The following SUCLG2 variants were observed in gnomAD, a reference collection of about 807,000 sequenced individuals.
SUCLG2 encodes succinate-CoA ligase GDP-forming subunit beta, also known as succinate--CoA ligase [GDP-forming] subunit beta, mitochondrial.
In SUCLG2, 42 loss-of-function variants were observed where a neutral mutation model predicts 47.9. The ratio of observed to expected loss-of-function variants is 0.88; its 90% CI spans 0.69 to 1.14. The LOEUF (loss-of-function observed/expected upper bound fraction) is 1.14, where lower values mean the gene tolerates loss of function less well. SUCLG2 is among the 50% of genes most tolerant of loss of function. The pLI, the probability that SUCLG2 is intolerant of heterozygous loss-of-function variation, is 0.00. For synonymous variants in SUCLG2, 195 were observed against 197.3 expected, an observed-to-expected ratio of 0.99 and a Z score of 0.10; for missense variants, 571 against 525.9, an observed-to-expected ratio of 1.09 and a Z score of -0.84.
chr3:67,577,002 T>C (rs922860066), intron 2 of SUCLG2, among the ~76,000 whole-genome samples: 1 of 152,172 alleles, frequency 6.6e-6, no homozygotes, highest in East Asian at 1.9e-4. Flanking sequence ...CCCAGGTAGA[T>C]GGTCTAAGGA....
chr3:67,468,162 C>T (rs144958491), intron 9 of SUCLG2, among the ~76,000 whole-genome samples: 2 of 152,232 alleles, frequency 1.3e-5, no homozygotes, highest in Admixed American at 6.5e-5. Flanking sequence ...GTTTTCTGAG[C>T]GAATCTTCAA....
chr3:67,454,698 C>T (rs1704141267), intron 9 of SUCLG2, among the ~76,000 whole-genome samples: 1 of 152,168 alleles, frequency 6.6e-6, no homozygotes, highest in Non-Finnish European at 1.5e-5. Flanking sequence ...CGTGGTGGCT[C>T]ATGCCTGTAA....
intron 1 of SUCLG2, among the ~76,000 whole-genome samples, chr3:67,617,564 ACCACTCT>A (rs1295810707): frequency 6.6e-6 from 1 of 152,144 alleles, no homozygotes; most frequent in Non-Finnish European, 1.5e-5. Flanking sequence ...AATACTCTTC[ACCACTCT>A]CCACTTGGGT....
chr3:67,649,539 T>C (rs116208179), intron 1 of SUCLG2, among the ~76,000 whole-genome samples: 1,641 of 133,896 alleles, frequency 0.012, 34 homozygotes, highest in African/African-American at 0.042. Flanking sequence ...GTCCCTCAAC[T>C]TCTGCTATCC....
chr3:67,421,966 C>G (rs1415522149), intron 9 of SUCLG2, among the ~76,000 whole-genome samples: 2 of 152,066 alleles, frequency 1.3e-5, no homozygotes, highest in Non-Finnish European at 2.9e-5. Flanking sequence ...TGAATAAAAG[C>G]AAAGAAGATT....
intron 1 of SUCLG2, among the ~76,000 whole-genome samples, chr3:67,638,102 T>C (rs1701038970): frequency 6.6e-6 from 1 of 152,210 alleles, no homozygotes; most frequent in South Asian, 2.1e-4. Flanking sequence ...TGTAAGCTTC[T>C]AAGTCTCACA....
intron 7 of SUCLG2, among the ~76,000 whole-genome samples, chr3:67,499,706 A>ATGTT (rs368610155): frequency 5.5e-4 from 84 of 151,558 alleles, no homozygotes; most frequent in African/African-American, 1.9e-3. Flanking sequence ...TGTCATCATA[A>ATGTT]TGTTTGTTTG....
At chr3:67,424,714 C>T (rs1703255365) in intron 9 of SUCLG2, among the ~76,000 whole-genome samples, 1 of 152,104 alleles carries the variant, frequency 6.6e-6, no homozygotes, top group Non-Finnish European at 1.5e-5. Flanking sequence ...ACTAAAACCA[C>T]CAGCATCACT....
At chr3:67,441,817 C>G (rs13095360) in intron 9 of SUCLG2, among the ~76,000 whole-genome samples, 75,028 of 151,968 alleles carry the variant, frequency 0.49, 19,035 homozygotes, top group Non-Finnish European at 0.57. Context: ...TATTTCCCCA[C>G]TGCTGTTAAT....
intron 2 of SUCLG2, among the ~76,000 whole-genome samples, chr3:67,545,083 T>G (rs1369243294): frequency 6.6e-6 from 1 of 152,136 alleles, no homozygotes; most frequent in Non-Finnish European, 1.5e-5. Context: ...AACTCTCCTA[T>G]AAAAGTTCCT....
chr3:67,555,039 T>C (rs1386293583), intron 2 of SUCLG2, among the ~76,000 whole-genome samples: 1 of 152,064 alleles, frequency 6.6e-6, no homozygotes, highest in African/African-American at 2.4e-5. Context: ...AAACTGAAGA[T>C]GTTGGAGAGC....
intron 9 of SUCLG2, among the ~76,000 whole-genome samples, chr3:67,438,043 G>T (rs929190873): frequency 1.3e-5 from 2 of 152,168 alleles, no homozygotes; most frequent in Non-Finnish European, 2.9e-5. Flanking sequence ...CTGTGGCTCA[G>T]TGCAATCAAA....
chr3:67,550,805 C>G (rs1395294165), intron 2 of SUCLG2, among the ~76,000 whole-genome samples: 1 of 151,730 alleles, frequency 6.6e-6, no homozygotes, highest in African/African-American at 2.4e-5. Context: ...GTCTGAGCGG[C>G]TTTGGCCAAG....
chr3:67,505,899 C>T (rs1373109400), intron 7 of SUCLG2, among the ~76,000 whole-genome samples: 1 of 152,002 alleles, frequency 6.6e-6, no homozygotes, highest in Non-Finnish European at 1.5e-5. Context: ...GAGGTGGAGG[C>T]TGCAGTGAGC....
intron 6 of SUCLG2, among the ~76,000 whole-genome samples, chr3:67,516,451 C>G (rs1261801907): frequency 1.3e-5 from 2 of 152,122 alleles, no homozygotes; most frequent in African/African-American, 4.8e-5. Context: ...TTATTAACTT[C>G]TCTAGAACTC....
chr3:67,486,040 A>G (rs1252395327), intron 9 of SUCLG2, among the ~76,000 whole-genome samples: 2 of 152,194 alleles, frequency 1.3e-5, no homozygotes, highest in East Asian at 3.8e-4. Context: ...TGGGAGGCTA[A>G]GAGGCAGATC....
chr3:67,577,444 T>C (rs2634729), intron 2 of SUCLG2, among the ~76,000 whole-genome samples: 2 of 151,950 alleles, frequency 1.3e-5, no homozygotes, highest in African/African-American at 4.8e-5. Flanking sequence ...AATCATGAGC[T>C]AGAGAGAAAA....
chr3:67,510,533 A>G (rs910852513), intron 6 of SUCLG2, among the ~76,000 whole-genome samples: 1 of 152,196 alleles, frequency 6.6e-6, no homozygotes, highest in Non-Finnish European at 1.5e-5. Flanking sequence ...GAGACAGTCT[A>G]TGCCTAACAC....
intron 9 of SUCLG2, among the ~76,000 whole-genome samples, chr3:67,454,496 T>C (rs1432637522): frequency 6.6e-6 from 1 of 152,202 alleles, no homozygotes; most frequent in Non-Finnish European, 1.5e-5. Context: ...CCATATTTGC[T>C]TTCTCCCTCT....
Sources: allele counts gnomAD v4.1 joint callset (sites outside exome capture counted in the v4.1 genomes callset), GRCh38; gene constraint gnomAD v4.1.1; transcripts MANE v1.5; gene names NCBI Gene and HGNC (gene_info 2026-07-23, HGNC 2026-07-21).